Variants in TUBB observed in about 807,000 individuals in gnomAD.
The protein encoded by TUBB is tubulin beta chain.
Under a neutral mutation model 35.1 loss-of-function variants are expected in TUBB, and 2 were observed. That is an observed-to-expected ratio of 0.06 (90% CI 0.02 to 0.18). The LOEUF (loss-of-function observed/expected upper bound fraction) is 0.18. TUBB is among the 10% of genes least tolerant of loss of function. The pLI, the probability that TUBB is intolerant of heterozygous loss-of-function variation, is 1.00. For missense variants in TUBB, 50 were observed against 599.4 expected, an observed-to-expected ratio of 0.08 and a Z score of 9.57; for synonymous variants, 205 against 223.8, an observed-to-expected ratio of 0.92 and a Z score of 0.75.
In TUBB at chr6:30,720,384, C is replaced by T. The variant is rs957513094; in HGVS notation, c.-123C>T. On this transcript the variant is annotated 5_prime_UTR_variant, in exon 1 of 4. Transcript: ENST00000327892. ...AACCTTCCTGCCGTCGCGTTTGCAC[C>T]TCGCTGCTCCAGCCTCTGGGGCGCA... 1.1e-5 allele frequency: 10 copies of T among 935,186 alleles called. No homozygotes were observed. The highest frequency in any genetic ancestry group is 6.8e-5 in the South Asian group (5 of 73,964). The allele number at this position is 935,186 out of a possible 1,614,324, so 57.9% of individuals were successfully genotyped here. A position where few individuals can be genotyped will look rare whatever the true frequency, so the allele number is the denominator to read the frequency against.
rs1160823869 is a variant in TUBB, at chr6:30,722,261, T to C, written c.58-276T>C. On this transcript the variant is annotated intron_variant, in intron 1 of 3. Transcript: ENST00000327892. ...GAGATCTAGACCATCCTGGCCAACA[T>C]GGTGAAACCCGTCTCTACTAAAAAT... 3 of 402,114 alleles carry C rather than the reference T, an allele frequency of 7.5e-6. No individual in the cohort carries two copies. In the East Asian group the frequency reaches 1.5e-4, roughly 20 times the overall value. The allele number at this position is 402,114 out of a possible 1,614,324, so 24.9% of individuals were successfully genotyped here.
At position 30,724,441 on chromosome 6, in the gene TUBB, T is replaced by A. The variant is rs750602208; in HGVS notation, c.*44T>A. The A allele has an allele frequency of 6.9e-5, 106 of 1,539,050 alleles. 2 individuals carry two copies. The Admixed American group carries it at 2.1e-3, about 31-fold the overall frequency. ...TCAGGCTTCTCAGTTCCCTTAGCCG[T>A]CTTACTCAACTGCCCCTTTCCTCTC... On this transcript the variant is annotated 3_prime_UTR_variant, in exon 4 of 4. Coordinates refer to ENST00000327892, the MANE Select transcript of TUBB (RefSeq NM_178014.4). The surrounding 1 kb of genome is among the most constrained non-coding windows in gnomAD (Gnocchi z 4.4).
At chr6:30,720,647 C>T (rs1776154467) in intron 1 of TUBB, 84 bp downstream of exon 1, 1 of 1,232,766 alleles carries the variant, frequency 8.1e-7, no homozygotes, top group Non-Finnish European at 1.2e-6. Flanking sequence ...GGCATTTGCA[C>T]CCGCTATCCT....
chr6:30,723,271 T>C, intron 3 of TUBB, 69 bp from the exon 4 acceptor site: 1 of 1,302,306 alleles, frequency 7.7e-7, no homozygotes, highest in Non-Finnish European at 1.1e-6. Context: ...ATTTGAAAAG[T>C]TGAAAGATGG....
In TUBB at chr6:30,720,421, C is replaced by T; in HGVS notation, c.-86C>T. Reference sequence around the variant, plus strand: ...GCCTCTGGGGCGCATTCCAACCTTCCAGCCTGCGACCTGCGGAGAAAAAAA... The same window carrying T: ...GCCTCTGGGGCGCATTCCAACCTTCTAGCCTGCGACCTGCGGAGAAAAAAA... On this transcript the variant is annotated 5_prime_UTR_variant, in exon 1 of 4. Coordinates refer to ENST00000327892, the MANE Select transcript of TUBB (RefSeq NM_178014.4). 1.4e-6 allele frequency: 2 copies of T among 1,383,514 alleles called. No homozygotes were observed. The highest frequency in any genetic ancestry group is 2.4e-5 in the East Asian group (1 of 42,528). The allele number at this position is 1,383,514 out of a possible 1,614,324, so 85.7% of individuals were successfully genotyped here.
rs1456661539 is a variant in TUBB at position 30,721,588 on chromosome 6, TCA to T, written c.58-947_58-946del. On this transcript the variant is annotated intron_variant, in intron 1 of 3. Coordinates refer to ENST00000327892, the MANE Select transcript of TUBB (RefSeq NM_178014.4). ...GGCTCGACCTGCGCGTGCGCCGCAG[TCA>T]CGTGGAGGGCGGGGGGGGTGGTCGA... 3.0e-6 allele frequency: 3 copies of T among 984,926 alleles called. No homozygotes were observed. The African/African-American group carries it at 5.3e-5, about 17-fold the overall frequency. 61.0% of individuals were successfully genotyped at this position (984,926 alleles called of 1,614,324 possible). A position where few individuals can be genotyped will look rare whatever the true frequency, so the allele number is the denominator to read the frequency against.
rs1195710152 is a variant in TUBB at position 30,723,915 on chromosome 6, A to T, written c.853A>T (p.Thr285Ser). Residue 285 changes from threonine (T) to serine (S), a missense_variant, in exon 4 of 4, where the codon ACA (threonine) becomes TCA (serine). By Grantham distance (58) the Thr-to-Ser change is moderately conservative. Around this residue, in one of 2 missense-constraint regions of TUBB, gnomAD observed 38 missense variants for 578.9 expected, o/e 0.07. Transcript: ENST00000327892. ...TGGAAGCCAGCAGTATCGAGCTCTCACAGTGCCGGAACTCACCCAGCAGGT... is the reference window on the plus strand; with the variant it reads ...TGGAAGCCAGCAGTATCGAGCTCTCTCAGTGCCGGAACTCACCCAGCAGGT... Reference protein sequence around the residue: ...SRGSQQYRALTVPELTQQVFD... With the variant: ...SRGSQQYRALSVPELTQQVFD... 7 of 1,614,128 alleles carry T rather than the reference A, an allele frequency of 4.3e-6. No homozygotes were observed. The highest frequency in any genetic ancestry group is 5.9e-6 in the Non-Finnish European group (7 of 1,180,026).
chr6:30,721,720 G>A (rs976925144), intron 1 of TUBB: 1 of 985,026 alleles, frequency 1.0e-6, no homozygotes, highest in Non-Finnish European at 1.2e-6. Flanking sequence ...AAGTGTGGTC[G>A]ACCTCCATCC....
intron 1 of TUBB, 58 bp from the exon 2 acceptor site, chr6:30,722,479 T>G (rs1776349294): frequency 8.6e-7 from 1 of 1,158,336 alleles, no homozygotes; most frequent in Non-Finnish European, 1.3e-6. Context: ...AAATGGTAGT[T>G]GGGGACATAG....
intron 1 of TUBB, 158 bp from the exon 2 acceptor site, chr6:30,722,379 G>T (rs917477230): frequency 3.3e-6 from 2 of 609,548 alleles, no homozygotes; most frequent in African/African-American, 3.7e-5. Context: ...GGAAGCAGAG[G>T]TTGCAGTGAG....
chr6:30,721,496 G>A lies in TUBB; in HGVS notation c.57+933G>A, dbSNP rs776164799. On this transcript the variant is annotated intron_variant, in intron 1 of 3. Coordinates refer to ENST00000327892, the MANE Select transcript of TUBB (RefSeq NM_178014.4). The stretch of plus-strand genomic sequence containing the variant: ...CCCGCCGGCAGGGGCGCGCTACCTT[G>A]GGCCCCGCCCCTCGCGCGCGGAATT... 4.7e-5 allele frequency: 45 copies of A among 960,852 alleles called. 1 individual carries two copies. Among genetic ancestry groups the A allele is most frequent in the Non-Finnish European group, 5.4e-5 (44 of 807,718 alleles). 59.5% of individuals were successfully genotyped at this position (960,852 alleles called of 1,614,324 possible).
At chr6:30,723,113 T>A (rs1242381045) in intron 3 of TUBB, 85 bp downstream of exon 3, 2 of 1,195,880 alleles carry the variant, frequency 1.7e-6, no homozygotes, top group Middle Eastern at 3.9e-4. Flanking sequence ...AGTTAGGAGA[T>A]GATTGTTGTA....
chr6:30,724,707 T>A lies in TUBB; in HGVS notation c.*310T>A. On this transcript the variant is annotated 3_prime_UTR_variant, in exon 4 of 4. Coordinates refer to ENST00000327892, the MANE Select transcript of TUBB (RefSeq NM_178014.4). The surrounding 1 kb of genome is among the most constrained non-coding windows in gnomAD (Gnocchi z 4.4). ...TCTTAAAAATCTCCAAGAAGCTGGG[T>A]CTCCAGATCCCATTTAGAACCAACC... 2.5e-6 allele frequency: 1 copy of A among 394,790 alleles called. No homozygotes were observed. The highest frequency in any genetic ancestry group is 4.5e-6 in the Non-Finnish European group (1 of 222,274). 24.5% of individuals were successfully genotyped at this position (394,790 alleles called of 1,614,324 possible).
At chr6:30,722,430 A>G in intron 1 of TUBB, 107 bp from the exon 2 acceptor site, 1 of 782,166 alleles carries the variant, frequency 1.3e-6, no homozygotes, top group African/African-American at 1.7e-5. Flanking sequence ...TGACAGAGCG[A>G]GACTCCGTCT....
rs567974983 is a variant in TUBB at position 30,723,051 on chromosome 6, G to A, written c.277+23G>A. On this transcript the variant is annotated intron_variant, in intron 3 of 3. Coordinates refer to ENST00000327892, the MANE Select transcript of TUBB (RefSeq NM_178014.4). ...TTGGTGAGTTATACAGATGATATTA[G>A]CAGATGATATACCATCGTGTTCAAC... The A allele has an allele frequency of 5.9e-5, 92 of 1,564,734 alleles. No homozygotes were observed. The South Asian group carries it at 1.0e-3, about 17-fold the overall frequency.
In TUBB at chr6:30,720,367, T is replaced by C; in HGVS notation, c.-140T>C. ...TCCTTTCTCCCTCTCAGAACCTTCCTGCCGTCGCGTTTGCACCTCGCTGCT... is the reference window on the plus strand; with the variant it reads ...TCCTTTCTCCCTCTCAGAACCTTCCCGCCGTCGCGTTTGCACCTCGCTGCT... On this transcript the variant is annotated 5_prime_UTR_variant, in exon 1 of 4. Coordinates refer to ENST00000327892, the MANE Select transcript of TUBB (RefSeq NM_178014.4). 1.3e-6 allele frequency: 1 copy of C among 781,990 alleles called. No individual in the cohort carries two copies. The highest frequency in any genetic ancestry group is 1.7e-5 in the African/African-American group (1 of 57,884). 48.4% of individuals were successfully genotyped at this position (781,990 alleles called of 1,614,324 possible).
chr6:30,721,016 G>A (rs1581658519), intron 1 of TUBB, among the ~76,000 whole-genome samples: 2 of 152,366 alleles, frequency 1.3e-5, no homozygotes, highest in African/African-American at 2.4e-5. Context: ...CAGCGCAAGG[G>A]TGGGGGGCGA....
At chr6:30,722,391 C>T in intron 1 of TUBB, 146 bp from the exon 2 acceptor site, 4 of 623,784 alleles carry the variant, frequency 6.4e-6, no homozygotes, top group African/African-American at 1.8e-5. Context: ...TGCAGTGAGC[C>T]GAGATAGCGC....
At chr6:30,722,409 C>G (rs1298218142) in intron 1 of TUBB, 128 bp from the exon 2 acceptor site, 1 of 689,316 alleles carries the variant, frequency 1.5e-6, no homozygotes, top group African/African-American at 1.8e-5. Context: ...CGCCACTGCA[C>G]TCCAGCCTGG....
Sources: allele counts gnomAD v4.1 joint callset (sites outside exome capture counted in the v4.1 genomes callset), GRCh38; gene constraint gnomAD v4.1.1; regional missense constraint gnomAD v4.1.1; non-coding constraint Gnocchi (gnomAD v3.1); transcripts MANE v1.5; gene names NCBI Gene and HGNC (gene_info 2026-07-23, HGNC 2026-07-21).